ZNF611: variants seen among roughly 807,000 people sequenced by gnomAD.
ZNF611 encodes the protein zinc finger protein 611.
Under a neutral mutation model 8.9 loss-of-function variants are expected in ZNF611, and 6 were observed. The observed-to-expected ratio is 0.68, with a 90% CI of 0.37 to 1.34. ZNF611 has a LOEUF of 1.34. Among genes scored for constraint, ZNF611 ranks in the 40% most tolerant of loss-of-function variants. ZNF611 has a pLI of 0.02. For synonymous variants in ZNF611, 262 were observed against 279.7 expected (o/e 0.94, Z 0.63); for missense variants, 874 against 841.3 (o/e 1.04, Z -0.48).
rs1319225835 is a variant in ZNF611, at chr19:52,726,585, C to CT, written c.-20+2144dup. The stretch of plus-strand genomic sequence containing the variant: ...AGGTGCCCGCCACGATGCCCGGCTA[C>CT]TTTTTTGTATTTTTAGTAGAGAAGG... On this transcript the variant is annotated intron_variant, in intron 3 of 5. Transcript: ENST00000652185. Among the ~76,000 whole-genome samples, 2 of 151,762 alleles carry CT rather than the reference C, an allele frequency of 1.3e-5. 1 individual carries two copies. The highest frequency in any genetic ancestry group is 2.9e-5 in the Non-Finnish European group (2 of 67,910).
At chr19:52,712,744 C>G (rs548898775) in intron 5 of ZNF611, among the ~76,000 whole-genome samples, 179 of 152,252 alleles carry the variant, frequency 1.2e-3, no homozygotes, top group Non-Finnish European at 1.2e-3. Flanking sequence ...CCACGCACTT[C>G]CAAAGTGCTG....
Position 52,706,069 on chromosome 19 carries a change from G to A in ZNF611, c.986C>T (p.Ala329Val), listed in dbSNP as rs1371813700. The change falls in exon 6 of 6, where the codon GCC becomes GTC. Residue 329 changes from alanine to valine, a missense_variant. Physicochemically the swap from Ala to Val is moderately conservative, Grantham distance 64 (BLOSUM62 0). Transcript: ENST00000652185. Reference protein sequence around the residue: ...ECGKIFGQNSALLIDKAIDTG... With the variant: ...ECGKIFGQNSVLLIDKAIDTG... ...ATCAATTGCCTTATCAATTAGAAGG[G>A]CTGAATTTTGACCAAAGATCTTGCC... 2 of 1,613,930 alleles carry A rather than the reference G, an allele frequency of 1.2e-6. No individual in the cohort carries two copies. Among genetic ancestry groups the A allele is most frequent in the South Asian group, 2.2e-5 (2 of 91,056 alleles).
At chr19:52,730,424 A>ACC (rs2062419269) in intron 1 of ZNF611, among the ~76,000 whole-genome samples, 2 of 138,982 alleles carry the variant, frequency 1.4e-5, no homozygotes, top group South Asian at 2.3e-4. Context: ...AAAAAAAAAA[A>ACC]CATGATGTAG....
At chr19:52,728,679 A>T (rs1419093538) in intron 3 of ZNF611, 51 bp downstream of exon 3, 1 of 152,378 alleles carries the variant, frequency 6.6e-6, no homozygotes, top group Non-Finnish European at 1.5e-5. Flanking sequence ...GGAGGAATTA[A>T]ACCTCTCATT....
chr19:52,729,489 T>C (rs187261716), intron 2 of ZNF611, among the ~76,000 whole-genome samples: 33 of 22,254 alleles, frequency 1.5e-3, no homozygotes, highest in Middle Eastern at 0.1. Context: ...CGAGACTCCA[T>C]CTCAAAAAAA....
intron 3 of ZNF611, chr19:52,724,312 G>T (rs1332437361): frequency 6.6e-6 from 1 of 152,264 alleles, no homozygotes; most frequent in Non-Finnish European, 1.5e-5. Context: ...CTTTTACCAA[G>T]CATACTGCCT....
rs765175207 is a variant in ZNF611 at position 52,705,493 on chromosome 19, C to T, written c.1562G>A (p.Arg521His). The T allele has an allele frequency of 2.9e-5, 46 of 1,613,122 alleles. No homozygotes were observed. The highest frequency in any genetic ancestry group is 2.3e-4 in the South Asian group (21 of 91,046). The stretch of plus-strand genomic sequence containing the variant: ...CTTATGTGTCTCAAGGCTTGATTTA[C>T]GACTGAAAACCTTTTCACATTCATC... ...KCDECEKVFS[R>H]KSSLETHKIG... is the part of the protein sequence containing the mutation. Residue 521 changes from arginine to histidine, a missense_variant, in exon 6 of 6, where the codon CGT becomes CAT. Coordinates refer to ENST00000652185, the MANE Select transcript of ZNF611 (RefSeq NM_001161499.2).
At position 52,715,937 on chromosome 19, in the gene ZNF611, T is replaced by C. The variant is rs779657653; in HGVS notation, c.-19-24A>G. The C allele has an allele frequency of 1.9e-6, 3 of 1,610,450 alleles. No individual in the cohort carries two copies. The East Asian group carries it at 6.7e-5, about 36-fold the overall frequency. On this transcript the variant is annotated intron_variant, in intron 3 of 5. Transcript: ENST00000652185. ...TCCTGTATGTGAAAAAAAATGAGAC[T>C]TCATGTTAGAAATGACTCACTCCCT...
At chr19:52,734,486 G>A (rs905482958) in intron 1 of ZNF611, among the ~76,000 whole-genome samples, 1 of 151,188 alleles carries the variant, frequency 6.6e-6, no homozygotes, top group African/African-American at 2.4e-5. Flanking sequence ...TGACTGCGGA[G>A]GGGAGACCTG....
At chr19:52,734,722 G>A (rs2062447122) in intron 1 of ZNF611, among the ~76,000 whole-genome samples, 1 of 152,236 alleles carries the variant, frequency 6.6e-6, no homozygotes, top group Non-Finnish European at 1.5e-5. Flanking sequence ...AAAAAGCGCG[G>A]GGCGCGAGGA....
chr19:52,712,456 TAAAAAAA>T (rs55649603), intron 5 of ZNF611, among the ~76,000 whole-genome samples: 27 of 37,464 alleles, frequency 7.2e-4, no homozygotes, highest in African/African-American at 3.0e-3. Flanking sequence ...CTGTCTCTAC[TAAAAAAA>T]AAAAAAAAAA....
chr19:52,719,169 A>G (rs2062337622), intron 3 of ZNF611, among the ~76,000 whole-genome samples: 1 of 152,216 alleles, frequency 6.6e-6, no homozygotes, highest in Non-Finnish European at 1.5e-5. Flanking sequence ...ACTCCATCTC[A>G]AAAAGAAAAA....
intron 1 of ZNF611, among the ~76,000 whole-genome samples, chr19:52,730,391 C>CA (rs1159350274): frequency 0.018 from 1,302 of 73,508 alleles, 98 homozygotes; most frequent in East Asian, 0.024. Context: ...GACTCCGTCT[C>CA]AAAAAAAAAA....
At position 52,719,475 on chromosome 19, in the gene ZNF611, C is replaced by T. The variant is rs145277025; in HGVS notation, c.-19-3562G>A. On this transcript the variant is annotated intron_variant, in intron 3 of 5. Transcript: ENST00000652185. ...CTGATGCCATCATTATAAAATGCAC[C>T]ACACTTAGACACAGGAGTTTGGCAA... Among the ~76,000 whole-genome samples, 832 of 152,238 alleles carry T rather than the reference C, an allele frequency of 5.5e-3. 3 individuals are homozygous for T. The highest frequency in any genetic ancestry group is 8.5e-3 in the Non-Finnish European group (580 of 68,020).
intron 3 of ZNF611, 48 bp from the exon 4 acceptor site, chr19:52,715,961 C>T (rs2062314474): frequency 1.2e-6 from 2 of 1,600,164 alleles, no homozygotes; most frequent in South Asian, 1.1e-5. Context: ...GACTCACTCC[C>T]TTCCTGTGAC....
Position 52,705,827 on chromosome 19 carries a change from G to A in ZNF611, c.1228C>T (p.His410Tyr), listed in dbSNP as rs1219107145. ...CTTCTATGTCGAGCCAGCTGTGAATGCCACGTGAAAGCTGTGTCACAAACC... is the reference window on the plus strand; with the variant it reads ...CTTCTATGTCGAGCCAGCTGTGAATACCACGTGAAAGCTGTGTCACAAACC... ...CKVCDTAFTW[H>Y]SQLARHRRIH... Residue 410 changes from histidine to tyrosine, a missense_variant, in exon 6 of 6, where the codon CAT becomes TAT. His to Tyr is a moderately conservative substitution (Grantham distance 83). Coordinates refer to ENST00000652185, the MANE Select transcript of ZNF611 (RefSeq NM_001161499.2). 4 of 1,613,642 alleles carry A rather than the reference G, an allele frequency of 2.5e-6. No homozygotes were observed. The highest frequency in any genetic ancestry group is 2.2e-5 in the East Asian group (1 of 44,800).
chr19:52,726,525 A>C (rs1262650561), intron 3 of ZNF611, among the ~76,000 whole-genome samples: 1 of 151,666 alleles, frequency 6.6e-6, no homozygotes, highest in East Asian at 1.9e-4. Flanking sequence ...GGTTCACGCC[A>C]TTCTCCTGCC....
At position 52,706,110 on chromosome 19, in the gene ZNF611, G is replaced by A. The variant is rs762311560; in HGVS notation, c.945C>T (p.Tyr315=). The change falls in exon 6 of 6, where the codon TAC becomes TAT. Residue 315 remains tyrosine (Y), a synonymous_variant. Transcript: ENST00000652185. Reference sequence around the variant, plus strand: ...AGATCTTGCCACACTCATTACAATTGTAACGTTTTACTCCAGTATGAAGTC... The same window carrying A: ...AGATCTTGCCACACTCATTACAATTATAACGTTTTACTCCAGTATGAAGTC... The part of the protein sequence containing the change: ...HRRLHTGVKR[Y]NCNECGKIFG... 2.5e-6 allele frequency: 4 copies of A among 1,614,064 alleles called. No individual in the cohort carries two copies. The highest frequency in any genetic ancestry group is 4.5e-5 in the East Asian group (2 of 44,866).
chr19:52,731,956 A>G (rs1036812319), intron 1 of ZNF611, among the ~76,000 whole-genome samples: 6 of 144,280 alleles, frequency 4.2e-5, no homozygotes, highest in Non-Finnish European at 7.6e-5. Flanking sequence ...TGGCAACAAG[A>G]GCAAAATTCC....
Sources: gnomAD v4.1 joint callset for allele counts (sites outside exome capture counted in the v4.1 genomes callset) on GRCh38, gnomAD v4.1.1 for gene constraint, MANE v1.5 for transcripts, NCBI Gene and HGNC (gene_info 2026-07-23, HGNC 2026-07-21) for gene names.